NEDD9: variants seen among roughly 807,000 people sequenced by gnomAD.
NEDD9 encodes the protein enhancer of filamentation 1.
In NEDD9, 26 loss-of-function variants were observed where a neutral mutation model predicts 76.6. That is an observed-to-expected ratio of 0.34 (90% CI 0.25 to 0.47). The LOEUF is 0.47. Among genes scored for constraint, NEDD9 ranks in the 20% least tolerant of loss-of-function variants. The pLI is 1.00. For missense variants in NEDD9, 937 were observed against 1,058.5 expected, an observed-to-expected ratio of 0.89 and a Z score of 1.59; for synonymous variants, 392 against 414.2, an observed-to-expected ratio of 0.95 and a Z score of 0.65.
upstream of NEDD9, chr6:11,233,345 G>A (rs913610451): frequency 1.9e-5 from 10 of 519,014 alleles, no homozygotes; most frequent in Non-Finnish European, 3.5e-5. Flanking sequence ...CTTCTCACCA[G>A]GGCCTCAGAG....
intron 1 of NEDD9, among the ~76,000 whole-genome samples, chr6:11,353,739 C>G (rs1336775097): frequency 6.6e-6 from 1 of 152,160 alleles, no homozygotes; most frequent in South Asian, 2.1e-4. Context: ...CGTGGAAAAC[C>G]TGGTGACTCA....
chr6:11,261,806 A>G (rs567225093), intron 3 of NEDD9, among the ~76,000 whole-genome samples: 14 of 131,570 alleles, frequency 1.1e-4, no homozygotes, highest in South Asian at 4.4e-4. Context: ...AAAATTCCCA[A>G]ACAACTAAAA....
chr6:11,183,407 C>T lies in NEDD9; in HGVS notation c.*1755G>A, dbSNP rs1421124198. 1 of 152,150 alleles carries T rather than the reference C, an allele frequency of 6.6e-6. No individual in the cohort carries two copies. The highest frequency in any genetic ancestry group is 6.5e-5 in the Admixed American group (1 of 15,270). 9.4% of individuals were successfully genotyped at this position (152,150 alleles called of 1,614,324 possible). A position where few individuals can be genotyped will look rare whatever the true frequency, so the allele number is the denominator to read the frequency against. ...TGGTTTTAAAAATGTGAAATGTCTCCACTTAGCGTAGATCAATCAAGTCAG... is the reference window on the plus strand; with the variant it reads ...TGGTTTTAAAAATGTGAAATGTCTCTACTTAGCGTAGATCAATCAAGTCAG... On this transcript the variant is annotated 3_prime_UTR_variant, in exon 7 of 7. Transcript: ENST00000379446.
intron 3 of NEDD9, among the ~76,000 whole-genome samples, chr6:11,273,198 G>T (rs1760348921): frequency 6.6e-6 from 1 of 152,190 alleles, no homozygotes; most frequent in African/African-American, 2.4e-5. Flanking sequence ...ATTGAAAGGA[G>T]TGTCCAAGAT....
intron 1 of NEDD9, among the ~76,000 whole-genome samples, chr6:11,361,427 G>A (rs1409350010): frequency 6.6e-6 from 1 of 152,122 alleles, no homozygotes; most frequent in African/African-American, 2.4e-5. Flanking sequence ...TACGTCACAT[G>A]GTGAAAGCAG....
At chr6:11,231,105 G>T (rs1360301501) in intron 1 of NEDD9, among the ~76,000 whole-genome samples, 1 of 152,152 alleles carries the variant, frequency 6.6e-6, no homozygotes, top group East Asian at 1.9e-4. Context: ...TTCTAAATAA[G>T]GAAATATGGG....
At chr6:11,343,809 G>T (rs1044111159) in intron 1 of NEDD9, among the ~76,000 whole-genome samples, 1 of 152,192 alleles carries the variant, frequency 6.6e-6, no homozygotes, top group Admixed American at 6.5e-5. Flanking sequence ...CCAGATTTTA[G>T]TCTAATTCCA....
intron 3 of NEDD9, among the ~76,000 whole-genome samples, chr6:11,267,114 G>GA (rs1433095409): frequency 6.4e-4 from 97 of 152,322 alleles, no homozygotes; most frequent in Non-Finnish European, 2.9e-5. Flanking sequence ...TCCCTCATAT[G>GA]AAAATCTCAG....
rs758259305 is a variant in NEDD9 at position 11,185,629 on chromosome 6, C to T, written c.2038G>A (p.Val680Met). ...QLLEQEITKP[V>M]ENDISKWKPS... ...TTCCACTTCGAGATGTCATTCTCCA[C>T]GGGCTTTGTAATCTCTTGTTCCAAC... Residue 680 changes from valine to methionine, a missense_variant, in exon 7 of 7, where the codon GTG (valine) becomes ATG (methionine). Transcript: ENST00000379446. 20 of 1,614,088 alleles carry T rather than the reference C, an allele frequency of 1.2e-5. No homozygotes were observed. Among genetic ancestry groups the T allele is most frequent in the Non-Finnish European group, 1.4e-5 (17 of 1,180,048 alleles).
chr6:11,300,516 C>G (rs1213137637), intron 3 of NEDD9, among the ~76,000 whole-genome samples: 1 of 152,092 alleles, frequency 6.6e-6, no homozygotes, highest in Non-Finnish European at 1.5e-5. Context: ...CAGAGAACAC[C>G]ACAAAGATAC....
intron 3 of NEDD9, among the ~76,000 whole-genome samples, chr6:11,274,655 T>C (rs1760381318): frequency 1.3e-5 from 2 of 152,178 alleles, no homozygotes; most frequent in South Asian, 4.1e-4. Flanking sequence ...ATCACAATAA[T>C]ATATGACCTC....
chr6:11,213,799 C>A lies in NEDD9; in HGVS notation c.13-72G>T. The A allele has an allele frequency of 7.2e-7, 1 of 1,391,152 alleles. No individual in the cohort carries two copies. The highest frequency in any genetic ancestry group is 1.3e-5 in the South Asian group (1 of 78,090). 86.2% of individuals were successfully genotyped at this position (1,391,152 alleles called of 1,614,324 possible). ...GTCCCTTTATCACCTAAGGCCCGTGCTCTTATGGAAAGGCACACTTCCTGG... is the reference window on the plus strand; with the variant it reads ...GTCCCTTTATCACCTAAGGCCCGTGATCTTATGGAAAGGCACACTTCCTGG... On this transcript the variant is annotated intron_variant, in intron 1 of 6. Transcript: ENST00000379446. This position sits in a 1 kb window ranked among gnomAD's most constrained non-coding sequence, Gnocchi z 5.4.
chr6:11,377,048 C>T (rs557993075), intron 1 of NEDD9, among the ~76,000 whole-genome samples: 6 of 152,356 alleles, frequency 3.9e-5, no homozygotes, highest in South Asian at 4.1e-4. Context: ...ATGCTCAGAA[C>T]GCAAGTGTGA....
At chr6:11,243,115 T>G (rs781242533) in intron 3 of NEDD9, among the ~76,000 whole-genome samples, 2 of 152,070 alleles carry the variant, frequency 1.3e-5, no homozygotes, top group African/African-American at 2.4e-5. Context: ...CTTTGCCACC[T>G]CTCCTTCCCC....
chr6:11,359,057 C>T (rs1489722524), intron 1 of NEDD9, among the ~76,000 whole-genome samples: 1 of 152,160 alleles, frequency 6.6e-6, no homozygotes, highest in Non-Finnish European at 1.5e-5. Context: ...GAGAGAGCTT[C>T]TGTATATAAA....
intron 3 of NEDD9, among the ~76,000 whole-genome samples, chr6:11,298,300 T>C (rs555474773): frequency 2.0e-3 from 309 of 152,240 alleles, no homozygotes; most frequent in African/African-American, 7.0e-3. Context: ...TGTGAGTGTG[T>C]GTATCTGTGT....
rs538635904 is a variant in NEDD9, at chr6:11,343,591, A to G, written c.-213-9030T>C. Among the ~76,000 whole-genome samples, 5 of 152,348 alleles carry G rather than the reference A, an allele frequency of 3.3e-5. No individual in the cohort carries two copies. The East Asian group carries it at 9.6e-4, about 29-fold the overall frequency. The stretch of plus-strand genomic sequence containing the variant: ...CCTAGAATGTAACTTCCATTTGGGC[A>G]AGAACTTTTGCCTGTTATGTTCAGA... On this transcript the variant is annotated intron_variant, in intron 1 of 3. Transcript: ENST00000397378.
chr6:11,305,983 A>T lies in NEDD9; in HGVS notation c.12+9T>A. ...CACAAATTGTCTGTTTTTTTCTATC[A>T]GTACTCACCCTTGTCCACATTTTGC... is the stretch of plus-strand genomic sequence containing the variant. On this transcript the variant is annotated intron_variant, in intron 3 of 3. Coordinates refer to the NEDD9 transcript ENST00000397378. 4 of 1,613,904 alleles carry T rather than the reference A, an allele frequency of 2.5e-6. No individual in the cohort carries two copies. In the South Asian group the frequency reaches 3.3e-5, roughly 13 times the overall value.
At chr6:11,280,170 A>G (rs1233891840) in intron 3 of NEDD9, among the ~76,000 whole-genome samples, 1 of 152,114 alleles carries the variant, frequency 6.6e-6, no homozygotes, top group African/African-American at 2.4e-5. Context: ...ATTCATTGCC[A>G]GTGTCTTGTG....
Sources: gnomAD v4.1 joint callset for allele counts (sites outside exome capture counted in the v4.1 genomes callset) on GRCh38, gnomAD v4.1.1 for gene constraint, Gnocchi (gnomAD v3.1) non-coding constraint, MANE v1.5 for transcripts, NCBI Gene and HGNC (gene_info 2026-07-23, HGNC 2026-07-21) for gene names.